The following SYNDIG1 variants were observed in gnomAD, a reference collection of about 807,000 sequenced individuals.
The protein encoded by SYNDIG1 is synapse differentiation inducing 1, also known as synapse differentiation-inducing gene protein 1.
Under a neutral mutation model 19.4 loss-of-function variants are expected in SYNDIG1, and 9 were observed. That is an observed-to-expected ratio of 0.46 (90% CI 0.28 to 0.81). The LOEUF (loss-of-function observed/expected upper bound fraction) is 0.81, where lower values mean the gene tolerates loss of function less well. Ranked by LOEUF, SYNDIG1 falls within the 30% of genes least tolerant of loss-of-function variation. The pLI is 0.12. For missense variants in SYNDIG1, 311 were observed against 343.3 expected (o/e 0.91, Z 0.74); for synonymous variants, 141 against 145.9 (o/e 0.97, Z 0.24).
At chr20:24,566,080 TG>T (rs1568646747) in intron 2 of SYNDIG1, among the ~76,000 whole-genome samples, 1 of 151,566 alleles carries the variant, frequency 6.6e-6, no homozygotes, top group Non-Finnish European at 1.5e-5. Context: ...AGTGAGTGAG[TG>T]GGGAATTCAT....
intron 1 of SYNDIG1, among the ~76,000 whole-genome samples, chr20:24,510,073 C>T (rs35115909): frequency 2.6e-5 from 4 of 152,164 alleles, no homozygotes; most frequent in African/African-American, 9.7e-5. Flanking sequence ...TGGAAGCTTC[C>T]TGAGTCCTCC....
At chr20:24,562,533 T>C (rs1423148698) in intron 2 of SYNDIG1, among the ~76,000 whole-genome samples, 1 of 152,232 alleles carries the variant, frequency 6.6e-6, no homozygotes, top group Admixed American at 6.5e-5. Context: ...TCTCATCTTA[T>C]GTGCATCAAT....
intron 3 of SYNDIG1, among the ~76,000 whole-genome samples, chr20:24,617,959 G>C (rs1452626587): frequency 7.7e-6 from 1 of 129,258 alleles, no homozygotes; most frequent in African/African-American, 2.9e-5. Flanking sequence ...GGGAGGGGGA[G>C]ACCCCGGGTG....
chr20:24,510,334 C>T (rs2056711384), intron 1 of SYNDIG1, among the ~76,000 whole-genome samples: 1 of 151,520 alleles, frequency 6.6e-6, no homozygotes, highest in South Asian at 2.1e-4. Context: ...TTTGGGAGGC[C>T]AAGGCGGGCA....
chr20:24,481,885 G>T (rs960661333), intron 1 of SYNDIG1, among the ~76,000 whole-genome samples: 1 of 151,994 alleles, frequency 6.6e-6, no homozygotes, highest in African/African-American at 2.4e-5. Flanking sequence ...CTAGAAGCAT[G>T]AATAAATTCA....
intron 1 of SYNDIG1, among the ~76,000 whole-genome samples, chr20:24,513,736 C>T (rs2056800805): frequency 6.6e-6 from 1 of 152,140 alleles, no homozygotes; most frequent in African/African-American, 2.4e-5. Context: ...CCCAACCTAG[C>T]AAGGCAGGCC....
At chr20:24,494,576 C>T (rs2056247309) in intron 1 of SYNDIG1, among the ~76,000 whole-genome samples, 1 of 152,120 alleles carries the variant, frequency 6.6e-6, no homozygotes. Context: ...AAATTGAGCC[C>T]CGAGGGATGA....
intron 2 of SYNDIG1, among the ~76,000 whole-genome samples, chr20:24,560,804 T>C (rs2057928644): frequency 6.6e-6 from 1 of 151,304 alleles, no homozygotes. Flanking sequence ...ACTTGAATGA[T>C]ATAGCATAGC....
intron 3 of SYNDIG1, among the ~76,000 whole-genome samples, chr20:24,588,854 G>A (rs1355139641): frequency 6.6e-6 from 1 of 151,896 alleles, no homozygotes; most frequent in Non-Finnish European, 1.5e-5. Context: ...ATTGAGAGAT[G>A]TGCCTAAAGC....
At chr20:24,536,663 A>G (rs559866993) in intron 1 of SYNDIG1, among the ~76,000 whole-genome samples, 1 of 152,240 alleles carries the variant, frequency 6.6e-6, no homozygotes, top group Admixed American at 6.5e-5. Context: ...TGTACCTGAG[A>G]GGGACAAGTG....
intron 2 of SYNDIG1, among the ~76,000 whole-genome samples, chr20:24,560,694 C>CTTTTTT (rs10658853): frequency 1.8e-5 from 2 of 113,820 alleles, no homozygotes; most frequent in Non-Finnish European, 1.8e-5. Flanking sequence ...CTGTTGACTA[C>CTTTTTT]TTTTTTTTTT....
At chr20:24,503,358 A>T (rs900493744) in intron 1 of SYNDIG1, among the ~76,000 whole-genome samples, 11 of 152,186 alleles carry the variant, frequency 7.2e-5, no homozygotes, top group African/African-American at 2.4e-4. Flanking sequence ...GAAAAATGAG[A>T]TCACACCAAG....
At chr20:24,550,255 C>A (rs941814686) in intron 2 of SYNDIG1, among the ~76,000 whole-genome samples, 1 of 152,164 alleles carries the variant, frequency 6.6e-6, no homozygotes, top group African/African-American at 2.4e-5. Context: ...AGGTTAATCC[C>A]ATATCTTGGA....
intron 3 of SYNDIG1, among the ~76,000 whole-genome samples, chr20:24,653,401 T>G (rs1354206742): frequency 3.3e-5 from 5 of 152,126 alleles, no homozygotes; most frequent in Admixed American, 3.3e-4. Flanking sequence ...AGTGCATTTC[T>G]AAGTTGTAAT....
chr20:24,516,383 G>C (rs538669118), intron 1 of SYNDIG1, among the ~76,000 whole-genome samples: 7 of 152,330 alleles, frequency 4.6e-5, no homozygotes, highest in African/African-American at 1.7e-4. Context: ...ACTACCATCA[G>C]AGTGAACAGG....
At chr20:24,564,265 G>T (rs981132951) in intron 2 of SYNDIG1, among the ~76,000 whole-genome samples, 1 of 152,196 alleles carries the variant, frequency 6.6e-6, no homozygotes, top group African/African-American at 2.4e-5. Context: ...AACAGTCTTT[G>T]TATTACAATA....
At chr20:24,482,228 G>T (rs1406320042) in intron 1 of SYNDIG1, among the ~76,000 whole-genome samples, 1 of 152,114 alleles carries the variant, frequency 6.6e-6, no homozygotes, top group Non-Finnish European at 1.5e-5. Context: ...TTCTGAGATG[G>T]AGTCTCACTC....
intron 3 of SYNDIG1, among the ~76,000 whole-genome samples, chr20:24,591,030 G>C (rs957086116): frequency 2.0e-5 from 3 of 151,898 alleles, no homozygotes; most frequent in African/African-American, 7.3e-5. Flanking sequence ...TCCTGACCTG[G>C]GTACTGGCTG....
intron 3 of SYNDIG1, among the ~76,000 whole-genome samples, chr20:24,585,389 A>G (rs1474868752): frequency 6.6e-6 from 1 of 152,166 alleles, no homozygotes; most frequent in Non-Finnish European, 1.5e-5. Context: ...GAACTTAATG[A>G]GAGAGGAGAA....
Sources: gnomAD v4.1 joint callset for allele counts (sites outside exome capture counted in the v4.1 genomes callset) on GRCh38, gnomAD v4.1.1 for gene constraint, MANE v1.5 for transcripts, NCBI Gene and HGNC (gene_info 2026-07-23, HGNC 2026-07-21) for gene names.